The following TNR variants were observed in gnomAD, a reference collection of about 807,000 sequenced individuals.
TNR encodes tenascin R.
Under a neutral mutation model 150.4 loss-of-function variants are expected in TNR, and 45 were observed. The ratio of observed to expected loss-of-function variants is 0.30; its 90% confidence interval spans 0.24 to 0.38. The LOEUF is 0.38. TNR is among the 10% of genes least tolerant of loss of function. The probability of loss-of-function intolerance (pLI) is 1.00; values close to 1 mark genes in which losing one functional copy is unlikely to be tolerated. For missense variants in TNR, 1,544 were observed against 1,759.1 expected (o/e 0.88, Z 2.19); for synonymous variants, 687 against 678.4 (o/e 1.01, Z -0.20).
At chr1:175,732,035 C>T (rs547200852) in intron 1 of TNR, among the ~76,000 whole-genome samples, 2 of 152,316 alleles carry the variant, frequency 1.3e-5, no homozygotes, top group Non-Finnish European at 2.9e-5. Flanking sequence ...AGGAATGTGC[C>T]TGGGCTGCCC....
At chr1:175,545,165 A>G (rs1307444473) in intron 1 of TNR, among the ~76,000 whole-genome samples, 1 of 152,250 alleles carries the variant, frequency 6.6e-6, no homozygotes, top group African/African-American at 2.4e-5. Flanking sequence ...CCAAAAAAAG[A>G]ATAATGCCTC....
intron 2 of TNR, among the ~76,000 whole-genome samples, chr1:175,461,119 T>C (rs978552283): frequency 6.6e-6 from 1 of 152,208 alleles, no homozygotes; most frequent in African/African-American, 2.4e-5. Flanking sequence ...AATCGCTCCC[T>C]TCCTGGTCCC....
intron 1 of TNR, among the ~76,000 whole-genome samples, chr1:175,615,634 G>T (rs1031979616): frequency 6.6e-6 from 1 of 152,180 alleles, no homozygotes; most frequent in Non-Finnish European, 1.5e-5. Context: ...CACTTTGGCC[G>T]GTCTCCTGAC....
chr1:175,685,021 G>C (rs1249876646), intron 1 of TNR, among the ~76,000 whole-genome samples: 1 of 151,820 alleles, frequency 6.6e-6, no homozygotes, highest in Non-Finnish European at 1.5e-5. Flanking sequence ...TTCATCAAGG[G>C]GGCTTGGTTC....
At chr1:175,480,453 GAAAGAAAAGAAAA>G (rs1398406108) in intron 2 of TNR, among the ~76,000 whole-genome samples, 2 of 151,304 alleles carry the variant, frequency 1.3e-5, no homozygotes, top group Non-Finnish European at 2.9e-5. Flanking sequence ...GAGAAAGAAA[GAAAGAAAAGAAAA>G]AAAGAAAAGA....
chr1:175,667,645 G>C (rs946169231), intron 1 of TNR, among the ~76,000 whole-genome samples: 3 of 152,204 alleles, frequency 2.0e-5, no homozygotes, highest in Non-Finnish European at 2.9e-5. Context: ...AGCAGCGAGA[G>C]AGGATGGGCA....
At chr1:175,620,404 T>C (rs1190734381) in intron 1 of TNR, among the ~76,000 whole-genome samples, 3 of 152,126 alleles carry the variant, frequency 2.0e-5, no homozygotes, top group Admixed American at 6.6e-5. Flanking sequence ...GGAGTATTGG[T>C]AGGAAAATTT....
chr1:175,693,536 T>G (rs1164706059), intron 1 of TNR, among the ~76,000 whole-genome samples: 1 of 152,148 alleles, frequency 6.6e-6, no homozygotes, highest in African/African-American at 2.4e-5. Flanking sequence ...CCCTCCCTCC[T>G]CTTAGGTTTC....
At chr1:175,381,301 T>G (rs1266393736) in intron 8 of TNR, among the ~76,000 whole-genome samples, 1 of 152,174 alleles carries the variant, frequency 6.6e-6, no homozygotes, top group Admixed American at 6.5e-5. Context: ...AAAATTAATT[T>G]AGGTTTAGGG....
At chr1:175,371,078 A>AAC (rs1553210632) in intron 9 of TNR, among the ~76,000 whole-genome samples, 3 of 151,586 alleles carry the variant, frequency 2.0e-5, no homozygotes, top group Non-Finnish European at 1.5e-5. Context: ...GAAAAAAAAA[A>AAC]AAACCACATG....
At chr1:175,368,338 TAATC>T (rs1651932848) in intron 9 of TNR, among the ~76,000 whole-genome samples, 1 of 152,226 alleles carries the variant, frequency 6.6e-6, no homozygotes, top group Non-Finnish European at 1.5e-5. Context: ...CATGGTCTCT[TAATC>T]TATCTTCAAA....
intron 1 of TNR, among the ~76,000 whole-genome samples, chr1:175,539,821 C>T (rs966763732): frequency 6.6e-6 from 1 of 152,092 alleles, no homozygotes; most frequent in African/African-American, 2.4e-5. Context: ...TTTGCCCTTC[C>T]CAGAGATATT....
intron 9 of TNR, among the ~76,000 whole-genome samples, chr1:175,379,076 G>T (rs1276524046): frequency 6.6e-6 from 1 of 151,994 alleles, no homozygotes; most frequent in Admixed American, 6.6e-5. Context: ...CTACTTGGGA[G>T]GCTGAGGCAG....
Position 175,326,700 on chromosome 1 carries a change from C to T in TNR, c.3794-2181G>A, listed in dbSNP as rs111987198. 3.1e-3 allele frequency among the ~76,000 whole-genome samples: 471 copies of T among 152,260 alleles called. 2 individuals are homozygous for T. The highest frequency in any genetic ancestry group is 0.011 in the African/African-American group (454 of 41,548). ...ATTTTTTTGGTGTGAGACAGTCTCG[C>T]TCTGTTGCCCAGGCTGGAGTGCAAT... On this transcript the variant is annotated intron_variant, in intron 21 of 22. Transcript: ENST00000367674.
chr1:175,468,319 C>T (rs1013861885), intron 2 of TNR, among the ~76,000 whole-genome samples: 1 of 152,190 alleles, frequency 6.6e-6, no homozygotes. Context: ...ATGGAAACAA[C>T]AATACTTGCC....
chr1:175,590,075 G>T (rs1422943079), intron 1 of TNR, among the ~76,000 whole-genome samples: 1 of 152,110 alleles, frequency 6.6e-6, no homozygotes, highest in Non-Finnish European at 1.5e-5. Context: ...ATATGGTACT[G>T]CAACTGATCT....
intron 2 of TNR, among the ~76,000 whole-genome samples, chr1:175,460,029 G>A (rs761606000): frequency 2.2e-4 from 33 of 152,122 alleles, no homozygotes; most frequent in Non-Finnish European, 4.1e-4. Context: ...TCTAACAGAC[G>A]GTGACTGACT....
chr1:175,511,691 G>A (rs1415652724), intron 2 of TNR, among the ~76,000 whole-genome samples: 1 of 152,210 alleles, frequency 6.6e-6, no homozygotes, highest in Non-Finnish European at 1.5e-5. Context: ...GCCTGAAAGG[G>A]AAGTTAATTT....
chr1:175,717,321 A>G (rs940425636), intron 1 of TNR, among the ~76,000 whole-genome samples: 9 of 152,058 alleles, frequency 5.9e-5, no homozygotes, highest in Admixed American at 2.0e-4. Context: ...GGGTTGAAAA[A>G]CTAACTATTG....
Sources: allele counts gnomAD v4.1 joint callset (sites outside exome capture counted in the v4.1 genomes callset), GRCh38; gene constraint gnomAD v4.1.1; transcripts MANE v1.5; gene names NCBI Gene and HGNC (gene_info 2026-07-23, HGNC 2026-07-21).